Variants in CLDN14 observed in about 807,000 individuals in gnomAD.
The protein encoded by CLDN14 is claudin 14.
CLDN14 carries 2 observed loss-of-function variants against 2.1 expected under a neutral mutation model. The observed-to-expected ratio is 0.96, with a 90% CI of 0.39 to 3.01. CLDN14 has a LOEUF of 3.01. Among genes scored for constraint, CLDN14 ranks in the 30% most tolerant of loss-of-function variants. CLDN14 has a pLI of 0.09. For missense variants in CLDN14, 298 were observed against 328.0 expected (o/e 0.91, Z 0.71); for synonymous variants, 136 against 154.4 (o/e 0.88, Z 0.88).
intron 1 of CLDN14, among the ~76,000 whole-genome samples, chr21:36,575,347 A>T (rs919668677): frequency 1.4e-4 from 21 of 152,218 alleles, no homozygotes; most frequent in Admixed American, 5.9e-4. Context: ...TATATCATTT[A>T]CTTATATTAG....
At chr21:36,522,705 C>G (rs955223504) in intron 1 of CLDN14, among the ~76,000 whole-genome samples, 4 of 152,224 alleles carry the variant, frequency 2.6e-5, no homozygotes, top group African/African-American at 9.6e-5. Flanking sequence ...AATTCAAGGG[C>G]AAGCATTGCC....
intron 1 of CLDN14, among the ~76,000 whole-genome samples, chr21:36,557,777 G>T (rs896398078): frequency 1.3e-5 from 2 of 152,184 alleles, no homozygotes; most frequent in Non-Finnish European, 2.9e-5. Flanking sequence ...CTATGCAGAA[G>T]ATTTTTTAGT....
rs143143791 is a variant in CLDN14 at position 36,486,802 on chromosome 21, C to T, written c.-82+23561G>A. ...CGTCTTGTGATTCTTGCCCCGTCAG[C>T]GCTTCAGAGCCAGATGGGCCATGTG... On this transcript the variant is annotated intron_variant, in intron 2 of 2. Transcript: ENST00000342108. The T allele has an allele frequency of 1.2e-3, 865 of 751,714 alleles. 3 individuals carry two copies. The highest frequency in any genetic ancestry group is 7.3e-3 in the African/African-American group (422 of 58,018). The allele number at this position is 751,714 out of a possible 1,614,324, so 46.6% of individuals were successfully genotyped here. A position where few individuals can be genotyped will look rare whatever the true frequency, so the allele number is the denominator to read the frequency against.
At chr21:36,486,750 T>G (rs2086901885) in intron 2 of CLDN14, 12 of 936,224 alleles carry the variant, frequency 1.3e-5, no homozygotes, top group Middle Eastern at 2.2e-4. Flanking sequence ...TCATTGCCTT[T>G]GGGCTTCCCA....
intron 2 of CLDN14, among the ~76,000 whole-genome samples, chr21:36,502,067 C>T (rs116167284): frequency 1.9e-3 from 294 of 152,112 alleles, no homozygotes; most frequent in African/African-American, 6.9e-3. Context: ...GCTATTCTTT[C>T]TTGAATATTC....
chr21:36,466,334 A>C (rs990905880), intron 1 of CLDN14: 1 of 152,206 alleles, frequency 6.6e-6, no homozygotes, highest in Admixed American at 6.5e-5. Context: ...CGAGACGGGT[A>C]ATTTATAAAG....
At chr21:36,471,843 T>TGTG (rs10624094) in intron 1 of CLDN14, among the ~76,000 whole-genome samples, 131,985 of 152,020 alleles carry the variant, frequency 0.87, 57,464 homozygotes, top group Admixed American at 0.91. Context: ...GTGGTTAAAA[T>TGTG]GTGTCAAATG....
intron 1 of CLDN14, among the ~76,000 whole-genome samples, chr21:36,561,697 A>G (rs1465376001): frequency 6.6e-6 from 1 of 152,128 alleles, no homozygotes; most frequent in Non-Finnish European, 1.5e-5. Flanking sequence ...ACTCACTTCA[A>G]TGTAGCAAAT....
chr21:36,473,029 T>A (rs1396204592), intron 1 of CLDN14, among the ~76,000 whole-genome samples: 1 of 152,190 alleles, frequency 6.6e-6, no homozygotes, highest in East Asian at 1.9e-4. Flanking sequence ...ATTTCCAACA[T>A]CAGCCCTTCT....
intron 1 of CLDN14, among the ~76,000 whole-genome samples, chr21:36,572,272 T>C (rs1345994556): frequency 6.6e-6 from 1 of 151,764 alleles, no homozygotes; most frequent in African/African-American, 2.4e-5. Flanking sequence ...GTGTGGGTTG[T>C]GTGTGTGTGT....
At chr21:36,564,675 T>C (rs1211491484) in intron 1 of CLDN14, among the ~76,000 whole-genome samples, 2 of 152,106 alleles carry the variant, frequency 1.3e-5, no homozygotes, top group African/African-American at 4.8e-5. Flanking sequence ...CCAGAACCCA[T>C]GAGTATGTTA....
chr21:36,548,541 GA>G (rs1247959882), intron 1 of CLDN14, among the ~76,000 whole-genome samples: 1 of 152,218 alleles, frequency 6.6e-6, no homozygotes. Context: ...AGATGTGGGG[GA>G]ATGGGGTCTG....
At position 36,556,810 on chromosome 21, in the gene CLDN14, A is replaced by G. The variant is rs2087602264; in HGVS notation, c.-220+19601T>C. On this transcript the variant is annotated intron_variant, in intron 1 of 2. Coordinates refer to the CLDN14 transcript ENST00000342108. ...TATCTTTTGGTGGTAAGAATATTTA[A>G]CATGAGATCCAGCCTCTTAAATTGT... Among the ~76,000 whole-genome samples, 3 of 152,210 alleles carry G rather than the reference A, an allele frequency of 2.0e-5. 1 individual carries two copies. In the South Asian group the frequency reaches 6.2e-4, roughly 32 times the overall value.
chr21:36,495,569 T>C (rs1158018439), intron 2 of CLDN14, among the ~76,000 whole-genome samples: 1 of 152,232 alleles, frequency 6.6e-6, no homozygotes, highest in East Asian at 1.9e-4. Flanking sequence ...GGTGCTGCCA[T>C]GCACATTCGA....
intron 1 of CLDN14, among the ~76,000 whole-genome samples, chr21:36,472,380 C>A: frequency 6.6e-6 from 1 of 152,116 alleles, no homozygotes; most frequent in Non-Finnish European, 1.5e-5. Flanking sequence ...ATGGAGTTGC[C>A]ACTTATTGAG....
chr21:36,556,625 T>C (rs73902592), intron 1 of CLDN14, among the ~76,000 whole-genome samples: 4 of 152,266 alleles, frequency 2.6e-5, no homozygotes, highest in African/African-American at 9.6e-5. Flanking sequence ...GGATGACCGA[T>C]ATAAAAACAC....
At chr21:36,501,496 C>G (rs1020453392) in intron 2 of CLDN14, among the ~76,000 whole-genome samples, 3 of 151,658 alleles carry the variant, frequency 2.0e-5, no homozygotes, top group African/African-American at 7.3e-5. Context: ...CAGACAAGGT[C>G]CCCCTGAAGT....
upstream of CLDN14, among the ~76,000 whole-genome samples, chr21:36,484,799 C>T (rs538248881): frequency 4.6e-5 from 7 of 152,238 alleles, no homozygotes; most frequent in African/African-American, 1.2e-4. Context: ...CCGCAACCTC[C>T]GCCTGCCGGG....
chr21:36,523,817 A>G lies in CLDN14; in HGVS notation c.-219-13317T>C, dbSNP rs113057061. On this transcript the variant is annotated intron_variant, in intron 1 of 2. Transcript: ENST00000342108. ...AAAGAAAGAAAGAAAGAAAGAAAGA[A>G]AGAAAGAAAGAAAGAAAGAAAGAAA... Among the ~76,000 whole-genome samples, 178 of 143,608 alleles carry G rather than the reference A, an allele frequency of 1.2e-3. 5 individuals carry two copies. Among genetic ancestry groups the G allele is most frequent in the Middle Eastern group, 7.0e-3 (2 of 286 alleles). The allele number at this position is 143,608 out of a possible 152,430, so 94.2% of individuals were successfully genotyped here. A position where few individuals can be genotyped will look rare whatever the true frequency, so the allele number is the denominator to read the frequency against.
Sources: allele counts gnomAD v4.1 joint callset (sites outside exome capture counted in the v4.1 genomes callset), GRCh38; gene constraint gnomAD v4.1.1; transcripts MANE v1.5; gene names NCBI Gene and HGNC (gene_info 2026-07-23, HGNC 2026-07-21).